The following LRRC4C variants were observed in gnomAD, a reference collection of about 807,000 sequenced individuals.
LRRC4C encodes leucine-rich repeat-containing protein 4C.
LRRC4C carries 5 observed loss-of-function variants against 33.6 expected under a neutral mutation model. The observed-to-expected ratio is 0.15, with a 90% CI of 0.08 to 0.31. The LOEUF is 0.31. Among genes scored for constraint, LRRC4C ranks in the 10% least tolerant of loss-of-function variants. The probability of loss-of-function intolerance (pLI) is 1.00; values close to 1 mark genes in which losing one functional copy is unlikely to be tolerated. For synonymous variants in LRRC4C, 329 were observed against 302.0 expected (o/e 1.09, Z -0.93); for missense variants, 560 against 796.7 (o/e 0.70, Z 3.58).
intron 1 of LRRC4C, among the ~76,000 whole-genome samples, chr11:41,065,993 A>G (rs560514907): frequency 1.3e-5 from 2 of 152,358 alleles, no homozygotes; most frequent in Non-Finnish European, 2.9e-5. Flanking sequence ...TCCAAAAGCC[A>G]GAATGCCTTT....
chr11:40,227,902 C>G, intron 5 of LRRC4C, among the ~76,000 whole-genome samples: 1 of 152,078 alleles, frequency 6.6e-6, no homozygotes. Flanking sequence ...ATGATGCCTG[C>G]TAGGTGAAGA....
intron 2 of LRRC4C, among the ~76,000 whole-genome samples, chr11:40,741,885 G>A (rs1948172151): frequency 6.6e-6 from 1 of 151,980 alleles, no homozygotes. Context: ...TAGCATTCAT[G>A]ATAGCCAAAG....
intron 1 of LRRC4C, among the ~76,000 whole-genome samples, chr11:41,265,572 T>C (rs4406814): frequency 0.12 from 18,736 of 151,922 alleles, 1,306 homozygotes; most frequent in Middle Eastern, 0.24. Flanking sequence ...CTAGCTTAAC[T>C]GAGAGAAAAA....
intron 6 of LRRC4C, among the ~76,000 whole-genome samples, chr11:40,132,329 G>T (rs553681397): frequency 6.6e-6 from 1 of 152,180 alleles, no homozygotes; most frequent in Non-Finnish European, 1.5e-5. Flanking sequence ...GTTGGGAAGG[G>T]TCTTGGGAGG....
At chr11:40,484,393 A>C (rs1210272159) in intron 3 of LRRC4C, among the ~76,000 whole-genome samples, 3 of 152,154 alleles carry the variant, frequency 2.0e-5, no homozygotes, top group South Asian at 4.2e-4. Flanking sequence ...AAACAAATGA[A>C]GTTTTATTTA....
intron 5 of LRRC4C, among the ~76,000 whole-genome samples, chr11:40,200,180 TAAAAAAAAAAAAAAAAA>T (rs56269292): frequency 1.4e-3 from 37 of 26,048 alleles, no homozygotes; most frequent in South Asian, 3.6e-3. Flanking sequence ...CTGTCTCCAC[TAAAAAAAAAAAAAAAAA>T]AAAAAAAAAA....
chr11:40,620,278 T>C (rs1040473231), intron 3 of LRRC4C, among the ~76,000 whole-genome samples: 4 of 151,648 alleles, frequency 2.6e-5, no homozygotes, highest in Non-Finnish European at 4.4e-5. Flanking sequence ...TATAAGGGAC[T>C]AGAATAAAGA....
Position 40,226,582 on chromosome 11 carries a change from T to G in LRRC4C, c.-96+14937A>C, listed in dbSNP as rs550436921. 2.6e-5 allele frequency among the ~76,000 whole-genome samples: 4 copies of G among 152,306 alleles called. No individual in the cohort carries two copies. The South Asian group carries it at 8.3e-4, about 32-fold the overall frequency. On this transcript the variant is annotated intron_variant, in intron 5 of 6. Coordinates refer to ENST00000528697, the MANE Select transcript of LRRC4C (RefSeq NM_001258419.2). ...ATGCTTGAAAGTGGTCTGAGGCCAG[T>G]TCTTAGTCAGATTCCGTAGATTAAA... is the stretch of plus-strand genomic sequence containing the variant.
intron 1 of LRRC4C, among the ~76,000 whole-genome samples, chr11:41,418,611 T>G (rs1954771391): frequency 6.6e-6 from 1 of 151,058 alleles, no homozygotes; most frequent in Admixed American, 6.6e-5. Flanking sequence ...GCTAGGGGGG[T>G]TGGTGAAACA....
intron 3 of LRRC4C, among the ~76,000 whole-genome samples, chr11:40,582,923 A>G (rs1222795063): frequency 6.6e-6 from 1 of 152,208 alleles, no homozygotes; most frequent in Non-Finnish European, 1.5e-5. Context: ...CAGGGTATTT[A>G]GAATACTACC....
chr11:40,514,784 A>G, intron 3 of LRRC4C, among the ~76,000 whole-genome samples: 1 of 152,148 alleles, frequency 6.6e-6, no homozygotes, highest in East Asian at 1.9e-4. Context: ...AATAATAAAA[A>G]CCAATACAAT....
chr11:40,851,712 G>A (rs1241223601), intron 2 of LRRC4C, among the ~76,000 whole-genome samples: 1 of 152,132 alleles, frequency 6.6e-6, no homozygotes, highest in South Asian at 2.1e-4. Flanking sequence ...TCCAGGAGGC[G>A]GAGGTTGCAG....
chr11:40,783,972 C>T (rs1401134232), intron 2 of LRRC4C, among the ~76,000 whole-genome samples: 10 of 151,846 alleles, frequency 6.6e-5, no homozygotes, highest in African/African-American at 9.7e-5. Context: ...GGACAAATAC[C>T]GCTATTTAAA....
rs148263442 is a variant in LRRC4C at position 40,300,682 on chromosome 11, G to A, written c.-176+18946C>T. Among the ~76,000 whole-genome samples the A allele has an allele frequency of 4.9e-3, 748 of 152,232 alleles. 8 individuals are homozygous for A. The highest frequency in any genetic ancestry group is 8.0e-3 in the Non-Finnish European group (541 of 68,014). Reference sequence around the variant, plus strand: ...GATAGCCTCACATACATTTTAAATCGTATCTAGATTACTTACCTAATACAA... The same window carrying A: ...GATAGCCTCACATACATTTTAAATCATATCTAGATTACTTACCTAATACAA... On this transcript the variant is annotated intron_variant, in intron 4 of 6. Transcript: ENST00000528697.
intron 1 of LRRC4C, among the ~76,000 whole-genome samples, chr11:41,257,909 T>C (rs187463304): frequency 2.0e-5 from 3 of 152,154 alleles, no homozygotes; most frequent in Admixed American, 2.0e-4. Flanking sequence ...GTGCAATAAA[T>C]ATGAGTTCTT....
chr11:40,383,234 ATATAT>A (rs1478218292), intron 3 of LRRC4C, among the ~76,000 whole-genome samples: 2 of 129,002 alleles, frequency 1.6e-5, no homozygotes, highest in African/African-American at 2.6e-5. Flanking sequence ...TTGTATATTT[ATATAT>A]CATATTTTCT....
At chr11:40,544,424 C>T (rs890198831) in intron 3 of LRRC4C, among the ~76,000 whole-genome samples, 12 of 152,058 alleles carry the variant, frequency 7.9e-5, no homozygotes, top group East Asian at 1.9e-4. Flanking sequence ...ATATTACTGA[C>T]GACACACAGT....
chr11:40,801,368 C>G (rs1271171650), intron 2 of LRRC4C, among the ~76,000 whole-genome samples: 1 of 152,108 alleles, frequency 6.6e-6, no homozygotes, highest in African/African-American at 2.4e-5. Context: ...CTATATGAAA[C>G]CTTTTCTGAA....
intron 1 of LRRC4C, among the ~76,000 whole-genome samples, chr11:41,335,395 A>G (rs541170489): frequency 6.6e-4 from 100 of 152,326 alleles, no homozygotes; most frequent in Non-Finnish European, 1.2e-3. Context: ...ATTCACATCC[A>G]GATTGAAAGC....
Sources: allele counts gnomAD v4.1 joint callset (sites outside exome capture counted in the v4.1 genomes callset), GRCh38; gene constraint gnomAD v4.1.1; transcripts MANE v1.5; gene names NCBI Gene and HGNC (gene_info 2026-07-23, HGNC 2026-07-21).